Variants in DNAH5 observed in about 807,000 individuals in gnomAD.
DNAH5 encodes dynein axonemal heavy chain 5.
A neutral mutation model predicts 518.2 loss-of-function variants in DNAH5; 372 were observed. That is an observed-to-expected ratio of 0.72 (90% CI 0.66 to 0.78). The LOEUF is 0.78. Among genes scored for constraint, DNAH5 ranks in the 30% least tolerant of loss-of-function variants. The probability of loss-of-function intolerance (pLI) is 0.00; values close to 1 mark genes in which losing one functional copy is unlikely to be tolerated. For missense variants in DNAH5, 5,523 were observed against 5,687.0 expected, an observed-to-expected ratio of 0.97 and a Z score of 0.93; for synonymous variants, 2,039 against 2,025.9, an observed-to-expected ratio of 1.01 and a Z score of -0.17.
intron 1 of DNAH5, among the ~76,000 whole-genome samples, chr5:13,960,938 G>C (rs185587512): frequency 6.6e-6 from 1 of 152,188 alleles, no homozygotes; most frequent in Non-Finnish European, 1.5e-5. Flanking sequence ...ACTGGAAAAG[G>C]CTGCAATAGC....
intron 29 of DNAH5, 103 bp downstream of exon 29, chr5:13,862,445 G>C (rs943052571): frequency 3.6e-6 from 4 of 1,126,328 alleles, no homozygotes; most frequent in Non-Finnish European, 5.2e-6. Context: ...TCAACATTGA[G>C]TAAACTATAT....
intron 68 of DNAH5, among the ~76,000 whole-genome samples, chr5:13,731,113 C>A (rs909271304): frequency 2.6e-5 from 4 of 152,216 alleles, no homozygotes; most frequent in Non-Finnish European, 5.9e-5. Flanking sequence ...ATTTATTGAG[C>A]TAATCTCTAT....
At chr5:13,981,329 T>A (rs1782659723) in intron 1 of DNAH5, among the ~76,000 whole-genome samples, 1 of 152,186 alleles carries the variant, frequency 6.6e-6, no homozygotes, top group Non-Finnish European at 1.5e-5. Context: ...AGGTCACATA[T>A]GTGTCTTGTT....
chr5:13,847,207 G>A (rs780256279), intron 31 of DNAH5, among the ~76,000 whole-genome samples: 1 of 151,388 alleles, frequency 6.6e-6, no homozygotes, highest in South Asian at 2.1e-4. Flanking sequence ...TTGGGAGGGT[G>A]TTGTTTTTGT....
At position 13,810,240 on chromosome 5, in the gene DNAH5, G is replaced by A. The variant is rs1188157589; in HGVS notation, c.7428C>T (p.Ser2476=). 1 of 1,550,584 alleles carries A rather than the reference G, an allele frequency of 6.4e-7. No individual in the cohort carries two copies. Among genetic ancestry groups the A allele is most frequent in the Non-Finnish European group, 8.7e-7 (1 of 1,146,910 alleles). Residue 2476 remains serine, a synonymous_variant, in exon 45 of 79, where the codon AGC becomes AGT. Transcript: ENST00000265104. The part of the protein sequence containing the change: ...IPLKEQGGEV[S]QAHLGRLFVF... ...CGAACAGCCGCCCCAGGTGAGCCTGGCTCACCTCCCCGCCTTGCTCCTGAG... is the reference window on the plus strand; with the variant it reads ...CGAACAGCCGCCCCAGGTGAGCCTGACTCACCTCCCCGCCTTGCTCCTGAG...
chr5:13,927,116 G>A (rs374510728), intron 3 of DNAH5, among the ~76,000 whole-genome samples: 4 of 152,140 alleles, frequency 2.6e-5, no homozygotes, highest in South Asian at 2.1e-4. Context: ...ATCAGATATT[G>A]ACTTATCTTC....
chr5:13,818,167 T>A (rs2070687568), intron 41 of DNAH5, among the ~76,000 whole-genome samples: 1 of 152,264 alleles, frequency 6.6e-6, no homozygotes, highest in Non-Finnish European at 1.5e-5. Context: ...GGACTTTCTT[T>A]TGTGACCAAG....
At position 13,795,548 on chromosome 5, in the gene DNAH5, G is replaced by T. The variant is rs550775500; in HGVS notation, c.7888-1490C>A. ...ACCAATAACAGGCTCTGCAATTGAG[G>T]CAATAATTAATAGCCTACCAACCAA... On this transcript the variant is annotated intron_variant, in intron 47 of 78. Coordinates refer to ENST00000265104, the MANE Select transcript of DNAH5 (RefSeq NM_001369.3). 3.9e-5 allele frequency among the ~76,000 whole-genome samples: 6 copies of T among 152,274 alleles called. No homozygotes were observed. The East Asian group carries it at 1.2e-3, about 29-fold the overall frequency.
At chr5:13,837,446 T>G (rs191964442) in intron 35 of DNAH5, among the ~76,000 whole-genome samples, 1 of 152,078 alleles carries the variant, frequency 6.6e-6, no homozygotes, top group East Asian at 1.9e-4. Context: ...GAGGAAATCC[T>G]GGAGTCAGTG....
chr5:13,861,394 C>T (rs1387862947), intron 29 of DNAH5, among the ~76,000 whole-genome samples: 1 of 152,098 alleles, frequency 6.6e-6, no homozygotes, highest in African/African-American at 2.4e-5. Context: ...ATGAAGTACA[C>T]AGTATTTCCA....
Position 13,766,035 on chromosome 5 carries a change from G to T in DNAH5, c.10042C>A (p.Pro3348Thr). Residue 3348 changes from proline to threonine, a missense_variant, in exon 59 of 79, where the codon CCC becomes ACC. By Grantham distance (38) the Pro-to-Thr change is conservative. Around this residue, in one of 3 missense-constraint regions of DNAH5, gnomAD observed 5,121 missense variants for 5,223.3 expected, o/e 0.98. Transcript: ENST00000265104. ...AATTTTAAGGATTCCTGCCAGGAGGGCATGGTACAGCTTTTTTCCAGGTCA... is the reference window on the plus strand; with the variant it reads ...AATTTTAAGGATTCCTGCCAGGAGGTCATGGTACAGCTTTTTTCCAGGTCA... ...KIDLEKSCTM[P>T]SWQESLKLMT... 1 of 1,614,206 alleles carries T rather than the reference G, an allele frequency of 6.2e-7. No homozygotes were observed. Among genetic ancestry groups the T allele is most frequent in the Non-Finnish European group, 8.5e-7 (1 of 1,180,022 alleles).
chr5:13,954,969 G>A (rs183210588), intron 1 of DNAH5, among the ~76,000 whole-genome samples: 3 of 152,238 alleles, frequency 2.0e-5, no homozygotes, highest in African/African-American at 7.2e-5. Flanking sequence ...GCTTCATTTT[G>A]AAACAACTTA....
intron 60 of DNAH5, among the ~76,000 whole-genome samples, chr5:13,761,409 T>C (rs569055215): frequency 1.2e-4 from 19 of 152,152 alleles, no homozygotes; most frequent in East Asian, 9.7e-4. Flanking sequence ...CTGGCTAACA[T>C]GGTGAAACCC....
chr5:13,791,060 CA>C (rs1756905807), intron 50 of DNAH5, among the ~76,000 whole-genome samples: 1 of 151,680 alleles, frequency 6.6e-6, no homozygotes, highest in Admixed American at 6.6e-5. Context: ...CGTGTACCCC[CA>C]AACCTAAAAT....
At chr5:13,733,247 C>T (rs1746864751) in intron 68 of DNAH5, among the ~76,000 whole-genome samples, 1 of 152,178 alleles carries the variant, frequency 6.6e-6, no homozygotes, top group African/African-American at 2.4e-5. Flanking sequence ...ACAAAGCCAA[C>T]ACATATTTTA....
At chr5:13,798,906 CA>C (rs1174564834) in intron 47 of DNAH5, among the ~76,000 whole-genome samples, 1 of 151,818 alleles carries the variant, frequency 6.6e-6, no homozygotes, top group Non-Finnish European at 1.5e-5. Context: ...GTTGGGATTA[CA>C]GGTGCACACC....
chr5:13,766,097 A>T lies in DNAH5; in HGVS notation c.9980T>A (p.Leu3327Gln). ...ACTGACTTTCCTTTGAAACAGCAGC[A>T]GTACGCAATCCATGATCCGCATGAT... ...HLIMRIMDCVLLLFQRKVSAV... is the reference protein window; with the variant it reads ...HLIMRIMDCVQLLFQRKVSAV... The change falls in exon 59 of 79, where the codon CTG becomes CAG. Residue 3327 changes from leucine (L) to glutamine (Q), a missense_variant. By Grantham distance (113) the Leu-to-Gln change is moderately radical. This residue lies in a region of DNAH5 where 5,121 missense variants were observed against 5,223.3 expected (regional missense o/e 0.98). Coordinates refer to ENST00000265104, the MANE Select transcript of DNAH5 (RefSeq NM_001369.3). 1 of 1,614,196 alleles carries T rather than the reference A, an allele frequency of 6.2e-7. No homozygotes were observed. The highest frequency in any genetic ancestry group is 1.6e-4 in the Middle Eastern group (1 of 6,062).
intron 1 of DNAH5, among the ~76,000 whole-genome samples, chr5:13,985,516 G>C (rs1782995399): frequency 6.7e-6 from 1 of 149,556 alleles, no homozygotes; most frequent in African/African-American, 2.5e-5. Flanking sequence ...ATGCAGCCAT[G>C]ACTGCATCTG....
intron 38 of DNAH5, among the ~76,000 whole-genome samples, chr5:13,827,203 T>C (rs1486521773): frequency 6.6e-6 from 1 of 152,134 alleles, no homozygotes; most frequent in Non-Finnish European, 1.5e-5. Context: ...GTTTTGAAAC[T>C]TTGTGCCCAA....
Sources: allele counts gnomAD v4.1 joint callset (sites outside exome capture counted in the v4.1 genomes callset), GRCh38; gene constraint gnomAD v4.1.1; regional missense constraint gnomAD v4.1.1; transcripts MANE v1.5; gene names NCBI Gene and HGNC (gene_info 2026-07-23, HGNC 2026-07-21).